The following LRP1B variants were observed in gnomAD, a reference collection of about 807,000 sequenced individuals.
LRP1B encodes low-density lipoprotein receptor-related protein 1B.
A neutral mutation model predicts 556.6 loss-of-function variants in LRP1B; 217 were observed. The observed-to-expected ratio is 0.39, with a 90% confidence interval of 0.35 to 0.44. The LOEUF (loss-of-function observed/expected upper bound fraction) is 0.44. LRP1B is among the 20% of genes least tolerant of loss of function. LRP1B has a pLI of 1.00. For synonymous variants in LRP1B, 2,047 were observed against 1,865.8 expected (o/e 1.10, Z -2.50); for missense variants, 5,053 against 5,620.8 (o/e 0.90, Z 3.23).
intron 2 of LRP1B, among the ~76,000 whole-genome samples, chr2:141,624,595 A>G (rs1688634601): frequency 6.6e-6 from 1 of 152,126 alleles, no homozygotes; most frequent in Non-Finnish European, 1.5e-5. Context: ...ATCTATCTCT[A>G]TCTATAAATA....
At chr2:141,885,558 A>G (rs1699085929) in intron 1 of LRP1B, among the ~76,000 whole-genome samples, 1 of 152,194 alleles carries the variant, frequency 6.6e-6, no homozygotes, top group Non-Finnish European at 1.5e-5. Context: ...GTGGTGGTGC[A>G]CTTTTGGCAG....
chr2:140,522,297 A>G (rs781655656), intron 49 of LRP1B, among the ~76,000 whole-genome samples: 7 of 152,018 alleles, frequency 4.6e-5, no homozygotes, highest in Non-Finnish European at 1.0e-4. Context: ...ACCACATAAT[A>G]TGGAAACTAA....
rs869303438 is a variant in LRP1B at position 140,803,290 on chromosome 2, T to TTTTTTTTTTTTTTTTTTTTTC, written c.5359+10366_5359+10367insGAAAAAAAAAAAAAAAAAAAA. On this transcript the variant is annotated intron_variant, in intron 32 of 90. Coordinates refer to ENST00000389484, the MANE Select transcript of LRP1B (RefSeq NM_018557.3). ...TTTTTTTTTTTTTTTTTTTTTTTTT[T>TTTTTTTTTTTTTTTTTTTTTC]CCGAGATGGAGTCTCCCTCTGTCTC... Among the ~76,000 whole-genome samples the TTTTTTTTTTTTTTTTTTTTTC allele has an allele frequency of 1.1e-4, 13 of 115,258 alleles. 2 individuals carry two copies. The highest frequency in any genetic ancestry group is 4.2e-4 in the African/African-American group (12 of 28,834). 75.6% of individuals were successfully genotyped at this position (115,258 alleles called of 152,430 possible).
intron 17 of LRP1B, among the ~76,000 whole-genome samples, 182 bp from the exon 18 acceptor site, chr2:140,982,458 A>C (rs965724507): frequency 6.6e-5 from 10 of 152,168 alleles, no homozygotes; most frequent in African/African-American, 2.4e-4. Context: ...TCTTCTCTAA[A>C]GTTCACATGC....
At chr2:141,899,510 A>C (rs972620317) in intron 1 of LRP1B, among the ~76,000 whole-genome samples, 27 of 152,158 alleles carry the variant, frequency 1.8e-4, no homozygotes, top group South Asian at 6.2e-4. Flanking sequence ...CTATAAACAC[A>C]GTGTGCCTCT....
chr2:141,847,231 A>G (rs2105768643), intron 1 of LRP1B, among the ~76,000 whole-genome samples: 1 of 151,706 alleles, frequency 6.6e-6, no homozygotes, highest in South Asian at 2.1e-4. Flanking sequence ...TAACAACAAA[A>G]TATATGTTAT....
chr2:141,263,393 C>T (rs1234433890), intron 3 of LRP1B, among the ~76,000 whole-genome samples: 1 of 151,938 alleles, frequency 6.6e-6, no homozygotes, highest in Non-Finnish European at 1.5e-5. Context: ...ACTCTAGGCC[C>T]ATATTGACAA....
chr2:140,784,376 C>CACACACACACA (rs1689816913), intron 32 of LRP1B, among the ~76,000 whole-genome samples: 2 of 126,690 alleles, frequency 1.6e-5, no homozygotes, highest in African/African-American at 2.9e-5. Context: ...GATTCTGCCT[C>CACACACACACA]CACACACACA....
intron 11 of LRP1B, among the ~76,000 whole-genome samples, chr2:141,047,449 A>G (rs1369120768): frequency 6.6e-6 from 1 of 152,056 alleles, no homozygotes; most frequent in Non-Finnish European, 1.5e-5. Flanking sequence ...AAGATTGGAG[A>G]GACCACCATT....
At chr2:141,592,603 A>G (rs1413517166) in intron 2 of LRP1B, among the ~76,000 whole-genome samples, 1 of 152,192 alleles carries the variant, frequency 6.6e-6, no homozygotes, top group Non-Finnish European at 1.5e-5. Context: ...ATCACCGGAC[A>G]CAGAAGATAT....
At chr2:142,022,207 G>A (rs1031500750) in intron 1 of LRP1B, among the ~76,000 whole-genome samples, 2 of 151,532 alleles carry the variant, frequency 1.3e-5, no homozygotes, top group African/African-American at 2.4e-5. Context: ...ATCTTGCTTT[G>A]TTCTTCAGAC....
At chr2:141,690,408 T>A (rs373058936) in intron 2 of LRP1B, among the ~76,000 whole-genome samples, 12,690 of 63,796 alleles carry the variant, frequency 0.2, 1,314 homozygotes, top group East Asian at 0.37. Context: ...TATATATATA[T>A]ATATATATAT....
chr2:141,113,973 T>C (rs1302455721), intron 7 of LRP1B, among the ~76,000 whole-genome samples: 1 of 152,246 alleles, frequency 6.6e-6, no homozygotes, highest in Non-Finnish European at 1.5e-5. Context: ...CTAAATAGCA[T>C]TTATTTAACA....
chr2:140,822,391 G>A (rs1420237083), intron 31 of LRP1B, among the ~76,000 whole-genome samples: 2 of 152,138 alleles, frequency 1.3e-5, no homozygotes, highest in African/African-American at 4.8e-5. Flanking sequence ...CTCATAAAAT[G>A]CCAAGTTGAG....
rs2105020997 is a variant in LRP1B at position 140,541,929 on chromosome 2, C to G, written c.7237G>C (p.Val2413Leu). 1 of 1,610,230 alleles carries G rather than the reference C, an allele frequency of 6.2e-7. No individual in the cohort carries two copies. Among genetic ancestry groups the G allele is most frequent in the South Asian group, 1.1e-5 (1 of 90,612 alleles). The change falls in exon 44 of 91, where the codon GTT becomes CTT. Residue 2413 changes from valine (V) to leucine (L), a missense_variant. Physicochemically the swap from Val to Leu is conservative, Grantham distance 32. Coordinates refer to ENST00000389484, the MANE Select transcript of LRP1B (RefSeq NM_018557.3). Reference protein sequence around the residue: ...SGPGTFLSLAVYDNYIFWSDW... With the variant: ...SGPGTFLSLALYDNYIFWSDW... ...GACCAGAATATATAATTGTCATAAA[C>G]AGCCAAACTGAGGAAAGTCCCTGGC...
chr2:140,873,247 C>G (rs1395871083), intron 25 of LRP1B, among the ~76,000 whole-genome samples: 1 of 151,890 alleles, frequency 6.6e-6, no homozygotes, highest in Non-Finnish European at 1.5e-5. Context: ...AAGTATAAAC[C>G]CAGCCCAAGA....
At chr2:141,654,064 A>C (rs77190413) in intron 2 of LRP1B, among the ~76,000 whole-genome samples, 2,557 of 152,316 alleles carry the variant, frequency 0.017, 34 homozygotes, top group South Asian at 0.024. Flanking sequence ...GGGCAGGAAT[A>C]GAAACACTAC....
chr2:140,809,666 A>G (rs1690848536), intron 32 of LRP1B, among the ~76,000 whole-genome samples: 1 of 152,214 alleles, frequency 6.6e-6, no homozygotes, highest in Non-Finnish European at 1.5e-5. Context: ...AGTGACTACA[A>G]AACTTAGCAC....
intron 3 of LRP1B, among the ~76,000 whole-genome samples, chr2:141,441,051 C>A (rs1236348411): frequency 6.6e-6 from 1 of 151,918 alleles, no homozygotes; most frequent in Non-Finnish European, 1.5e-5. Context: ...GCTGAGAAGC[C>A]CTGATTTTTT....
Sources: gnomAD v4.1 joint callset for allele counts (sites outside exome capture counted in the v4.1 genomes callset) on GRCh38, gnomAD v4.1.1 for gene constraint, MANE v1.5 for transcripts, NCBI Gene and HGNC (gene_info 2026-07-23, HGNC 2026-07-21) for gene names.